AKR1C4: variants seen among roughly 807,000 people sequenced by gnomAD.
The protein encoded by AKR1C4 is 3-alpha-HSD1.
Under a neutral mutation model 41.0 loss-of-function variants are expected in AKR1C4, and 44 were observed. The ratio of observed to expected loss-of-function variants is 1.07; its 90% CI spans 0.84 to 1.38. The LOEUF is 1.38. Ranked by LOEUF, AKR1C4 falls within the 40% of genes most tolerant of loss-of-function variation. The probability of loss-of-function intolerance (pLI) is 0.00; values close to 1 mark genes in which losing one functional copy is unlikely to be tolerated. For synonymous variants in AKR1C4, 165 were observed against 137.7 expected (o/e 1.20, Z -1.39); for missense variants, 438 against 387.9 (o/e 1.13, Z -1.09).
chr10:5,206,315 T>G lies in AKR1C4; in HGVS notation c.488T>G (p.Ile163Ser). The G allele has an allele frequency of 6.2e-7, 1 of 1,614,118 alleles. No individual in the cohort carries two copies. Among genetic ancestry groups the G allele is most frequent in the Middle Eastern group, 1.6e-4 (1 of 6,062 alleles). ...AAGGATGCAGGATTGGCCAAGTCCA[T>G]CGGGGTGTCAAACTTCAACTGCAGG... The part of the protein sequence containing the change: ...KCKDAGLAKS[I>S]GVSNFNCRQL... Residue 163 changes from isoleucine to serine, a missense_variant, in exon 5 of 9, where the codon ATC becomes AGC. Transcript: ENST00000263126.
At chr10:5,214,842 T>A (rs1832633111) in intron 7 of AKR1C4, among the ~76,000 whole-genome samples, 1 of 152,324 alleles carries the variant, frequency 6.6e-6, no homozygotes, top group Non-Finnish European at 1.5e-5. Flanking sequence ...TTTAGTATTA[T>A]GTTAGCAATG....
rs562697342 is a variant in AKR1C4 at position 5,203,220 on chromosome 10, G to T, written c.253-1157G>T. Among the ~76,000 whole-genome samples the T allele has an allele frequency of 2.2e-4, 34 of 152,006 alleles. 1 individual carries two copies. The highest frequency in any genetic ancestry group is 2.0e-3 in the Admixed American group (31 of 15,252). On this transcript the variant is annotated intron_variant, in intron 2 of 8. Transcript: ENST00000263126. ...GCAGCACACTTCCTGCTTTCCCCCG[G>T]GGTTCTGGCCAAGGGGGCTCATTCC...
At chr10:5,202,270 A>G (rs1233188900) in intron 2 of AKR1C4, among the ~76,000 whole-genome samples, 1 of 151,938 alleles carries the variant, frequency 6.6e-6, no homozygotes, top group Non-Finnish European at 1.5e-5. Flanking sequence ...TTTTATTTGC[A>G]GCTGTTGTAA....
At chr10:5,206,003 TAGC>T (rs1398384988) in intron 4 of AKR1C4, among the ~76,000 whole-genome samples, 169 bp downstream of exon 4, 4 of 152,188 alleles carry the variant, frequency 2.6e-5, no homozygotes, top group Non-Finnish European at 5.9e-5. Flanking sequence ...TGAAATAGAA[TAGC>T]AGGAAATGAA....
At chr10:5,200,089 C>T in intron 1 of AKR1C4, 92 bp from the exon 2 acceptor site, 3 of 1,518,552 alleles carry the variant, frequency 2.0e-6, no homozygotes, top group Non-Finnish European at 2.7e-6. Flanking sequence ...CACACCCCCA[C>T]TGCACACCCT....
At position 5,215,939 on chromosome 10, in the gene AKR1C4, C is replaced by T. The variant is rs559971294; in HGVS notation, c.847-772C>T. On this transcript the variant is annotated intron_variant, in intron 7 of 8. Coordinates refer to ENST00000263126, the MANE Select transcript of AKR1C4 (RefSeq NM_001818.5). ...CATTTTCAGACATTTTTAGCAATGT[C>T]CCACTCCTGGTAACAATTTTCCATA... Among the ~76,000 whole-genome samples the T allele has an allele frequency of 2.0e-5, 3 of 152,262 alleles. No individual in the cohort carries two copies. In the South Asian group the frequency reaches 6.2e-4, roughly 32 times the overall value.
At chr10:5,206,625 G>C (rs562270350) in intron 5 of AKR1C4, among the ~76,000 whole-genome samples, 11 of 152,128 alleles carry the variant, frequency 7.2e-5, no homozygotes, top group African/African-American at 2.2e-4. Context: ...TACTATTTTT[G>C]GGGGAGGTGA....
In AKR1C4 at chr10:5,205,776, C is replaced by T; in HGVS notation, c.389C>T (p.Pro130Leu). The part of the protein sequence containing the change: ...MALKPGETPL[P>L]KDENGKVIFD... ...CTTCAGCCAGGTGAGACGCCACTAC[C>T]AAAAGATGAAAATGGAAAAGTAATA... is the stretch of plus-strand genomic sequence containing the variant. The change falls in exon 4 of 9, where the codon CCA (proline) becomes CTA (leucine). Residue 130 changes from proline to leucine, a missense_variant. Transcript: ENST00000263126. The T allele has an allele frequency of 1.2e-6, 2 of 1,613,238 alleles. No individual in the cohort carries two copies. The highest frequency in any genetic ancestry group is 1.7e-6 in the Non-Finnish European group (2 of 1,179,468).
chr10:5,211,374 C>T (rs1832573024), intron 5 of AKR1C4, among the ~76,000 whole-genome samples: 1 of 152,154 alleles, frequency 6.6e-6, no homozygotes, highest in Non-Finnish European at 1.5e-5. Context: ...TTAACAGCAC[C>T]CAAGTCACTG....
In AKR1C4 at chr10:5,204,360, T is replaced by C; in HGVS notation, c.253-17T>C. The C allele has an allele frequency of 6.4e-7, 1 of 1,562,626 alleles. No homozygotes were observed. The highest frequency in any genetic ancestry group is 1.1e-5 in the South Asian group (1 of 88,618). On this transcript the variant is annotated splice_polypyrimidine_tract_variant and intron_variant, in intron 2 of 8. Transcript: ENST00000263126. ...TCATGTTTTTATTCAACATAAATCC[T>C]TTATTTTACCATGCAGCTTTGGTGC...
chr10:5,199,778 A>G (rs975675546), intron 1 of AKR1C4, among the ~76,000 whole-genome samples: 3 of 152,148 alleles, frequency 2.0e-5, no homozygotes, highest in African/African-American at 4.8e-5. Context: ...CCCTGCACTC[A>G]TTCACCAAGC....
At chr10:5,209,733 C>G (rs1348471309) in intron 5 of AKR1C4, among the ~76,000 whole-genome samples, 1 of 152,158 alleles carries the variant, frequency 6.6e-6, no homozygotes, top group Non-Finnish European at 1.5e-5. Flanking sequence ...TATTCACTAT[C>G]TCAAGGACAT....
Position 5,205,139 on chromosome 10 carries a change from A to G in AKR1C4, c.370-618A>G, listed in dbSNP as rs1459618457. ...GAATACATTTCAAGATTTGACGTAG[A>G]CTCTAAAAATGTGACCTTTCTCCAT... On this transcript the variant is annotated intron_variant, in intron 3 of 8. Coordinates refer to ENST00000263126, the MANE Select transcript of AKR1C4 (RefSeq NM_001818.5). 6.6e-5 allele frequency among the ~76,000 whole-genome samples: 10 copies of G among 150,818 alleles called. 1 individual carries two copies. Among genetic ancestry groups the G allele is most frequent in the Non-Finnish European group, 1.5e-4 (10 of 67,214 alleles).
intron 8 of AKR1C4, among the ~76,000 whole-genome samples, chr10:5,217,628 C>G (rs1048481274): frequency 6.6e-6 from 1 of 152,206 alleles, no homozygotes; most frequent in Non-Finnish European, 1.5e-5. Context: ...TGCATGGTGG[C>G]ACACACCTGC....
intron 2 of AKR1C4, among the ~76,000 whole-genome samples, chr10:5,202,953 G>C (rs1229464977): frequency 8.9e-6 from 1 of 112,592 alleles, no homozygotes. Context: ...GTGTGTGTGT[G>C]TGTGTGTGTG....
At chr10:5,210,948 C>T (rs990132729) in intron 5 of AKR1C4, among the ~76,000 whole-genome samples, 2 of 152,234 alleles carry the variant, frequency 1.3e-5, no homozygotes, top group Non-Finnish European at 2.9e-5. Context: ...CACATAGGCT[C>T]ACTACCACAT....
At chr10:5,211,460 A>C (rs1432672387) in intron 5 of AKR1C4, among the ~76,000 whole-genome samples, 1 of 151,224 alleles carries the variant, frequency 6.6e-6, no homozygotes, top group Non-Finnish European at 1.5e-5. Context: ...ACACATCTCT[A>C]GGGCAGGGAC....
At chr10:5,203,016 C>G (rs1588337359) in intron 2 of AKR1C4, among the ~76,000 whole-genome samples, 1 of 148,396 alleles carries the variant, frequency 6.7e-6, no homozygotes, top group East Asian at 2.0e-4. Context: ...TTTGGTGATA[C>G]TGGCTTCATA....
At chr10:5,213,801 GAATT>G (rs1554798202) in intron 7 of AKR1C4, among the ~76,000 whole-genome samples, 2 of 152,124 alleles carry the variant, frequency 1.3e-5, no homozygotes, top group African/African-American at 4.8e-5. Flanking sequence ...CAGCTCTACA[GAATT>G]AATCCAGAAT....
Sources: gnomAD v4.1 joint callset for allele counts (sites outside exome capture counted in the v4.1 genomes callset) on GRCh38, gnomAD v4.1.1 for gene constraint, MANE v1.5 for transcripts, NCBI Gene and HGNC (gene_info 2026-07-23, HGNC 2026-07-21) for gene names.